Variants in FRMPD4 observed in about 807,000 individuals in gnomAD.
FRMPD4 encodes FERM and PDZ domain containing 4, also known as FERM and PDZ domain-containing protein 4.
A neutral mutation model predicts 94.1 loss-of-function variants in FRMPD4; 22 were observed. The ratio of observed to expected loss-of-function variants is 0.23; its 90% CI spans 0.17 to 0.33. The LOEUF is 0.33. FRMPD4 is among the 10% of genes least tolerant of loss of function. The probability of loss-of-function intolerance (pLI) is 1.00; values close to 1 mark genes in which losing one functional copy is unlikely to be tolerated. For missense variants in FRMPD4, 1,111 were observed against 1,339.9 expected, an observed-to-expected ratio of 0.83 and a Z score of 2.67; for synonymous variants, 631 against 548.6, an observed-to-expected ratio of 1.15 and a Z score of -2.10.
At chrX:11,888,105 A>G (rs1264871517) in intron 3 of FRMPD4, among the ~76,000 whole-genome samples, 1 of 112,161 alleles carries the variant, frequency 8.9e-6, no homozygotes, top group Non-Finnish European at 1.9e-5. Flanking sequence ...TTGGACTATC[A>G]TTGGAAAATT....
Position 12,721,808 on chromosome X carries a change from G to A in FRMPD4, c.5239G>A (p.Ala1747Thr), listed in dbSNP as rs2042246276. The change falls in exon 17 of 17, where the codon GCT (alanine) becomes ACT (threonine). Residue 1747 changes from alanine to threonine, a missense_variant. Transcript: ENST00000675598. ...GGCGCGACACTCAACCACCATGGCC[G>A]CTCTCGTAAGCACACTGACACGTTC... ...LSARHSTTMA[A>T]LVSTLTRSLK... 4.0e-6 allele frequency: 3 copies of A among 749,934 alleles called. No homozygotes were observed. The highest frequency in any genetic ancestry group is 4.7e-6 in the Non-Finnish European group (3 of 635,228). 61.8% of individuals were successfully genotyped at this position (749,934 alleles called of 1,213,427 possible).
chrX:12,295,463 A>C (rs1364580161), intron 1 of FRMPD4, among the ~76,000 whole-genome samples: 1 of 112,471 alleles, frequency 8.9e-6, no homozygotes, highest in African/African-American at 3.2e-5. Flanking sequence ...ACTTCATAGA[A>C]TTTTTGTGAA....
intron 1 of FRMPD4, among the ~76,000 whole-genome samples, chrX:12,429,111 T>G (rs2056984588): frequency 1.8e-5 from 2 of 111,613 alleles, no homozygotes; most frequent in African/African-American, 6.5e-5. Flanking sequence ...AGGGAGCTGA[T>G]AACAAGCCTG....
intron 1 of FRMPD4, among the ~76,000 whole-genome samples, chrX:12,403,359 T>C (rs1051815446): frequency 1.9e-4 from 20 of 104,979 alleles, no homozygotes; most frequent in African/African-American, 7.7e-4. Flanking sequence ...CCCCTCTTCC[T>C]AGAACACTTT....
At chrX:12,656,753 T>C (rs1346374294) in intron 4 of FRMPD4, among the ~76,000 whole-genome samples, 3 of 111,962 alleles carry the variant, frequency 2.7e-5, no homozygotes, top group Non-Finnish European at 5.6e-5. Context: ...AATGTTTTGA[T>C]TTCTTATTTG....
chrX:12,322,108 A>G (rs1315566589), intron 1 of FRMPD4, among the ~76,000 whole-genome samples: 1 of 111,703 alleles, frequency 9.0e-6, no homozygotes, highest in Non-Finnish European at 1.9e-5. Context: ...GAGAGATCTC[A>G]TTATTAACTT....
At chrX:12,595,057 G>T (rs1027857601) in intron 2 of FRMPD4, among the ~76,000 whole-genome samples, 1 of 112,094 alleles carries the variant, frequency 8.9e-6, no homozygotes, top group African/African-American at 3.2e-5. Context: ...GTAAATGTTA[G>T]CAGCAGCTGC....
chrX:12,199,340 A>G (rs1249952958), intron 1 of FRMPD4, among the ~76,000 whole-genome samples: 1 of 108,317 alleles, frequency 9.2e-6, no homozygotes, highest in Admixed American at 1.0e-4. Context: ...AGCAGTGAGC[A>G]TTGAGCCTCT....
At chrX:12,168,857 C>A (rs1039792210) in intron 1 of FRMPD4, among the ~76,000 whole-genome samples, 1 of 111,338 alleles carries the variant, frequency 9.0e-6, no homozygotes, top group African/African-American at 3.3e-5. Context: ...CATTTCCTGA[C>A]CTCGTGATCT....
At chrX:12,385,387 G>A (rs1242577333) in intron 1 of FRMPD4, among the ~76,000 whole-genome samples, 1 of 112,245 alleles carries the variant, frequency 8.9e-6, no homozygotes, top group Non-Finnish European at 1.9e-5. Context: ...TCTATGCAAC[G>A]GAACCTTAGA....
chrX:11,986,702 CAAAT>C (rs1486116267), intron 3 of FRMPD4, among the ~76,000 whole-genome samples: 1 of 110,570 alleles, frequency 9.0e-6, no homozygotes, highest in Non-Finnish European at 1.9e-5. Context: ...AGAGAAGACC[CAAAT>C]AAATAAATCA....
intron 1 of FRMPD4, among the ~76,000 whole-genome samples, chrX:12,281,449 A>G (rs1210589948): frequency 1.8e-5 from 2 of 108,479 alleles, no homozygotes. Context: ...ATCTCTGTTC[A>G]CTGCAACCTC....
intron 1 of FRMPD4, among the ~76,000 whole-genome samples, chrX:11,849,368 C>A (rs757677637): frequency 9.0e-6 from 1 of 111,462 alleles, no homozygotes; most frequent in Non-Finnish European, 1.9e-5. Flanking sequence ...CAGATTTAAT[C>A]CAAGCCCTAT....
intron 4 of FRMPD4, among the ~76,000 whole-genome samples, chrX:12,634,205 G>A (rs998600899): frequency 2.7e-5 from 3 of 112,144 alleles, no homozygotes; most frequent in Non-Finnish European, 5.6e-5. Flanking sequence ...AATTATCACC[G>A]TTAAACATCC....
At chrX:12,629,584 A>C (rs1055625632) in intron 4 of FRMPD4, among the ~76,000 whole-genome samples, 1 of 112,614 alleles carries the variant, frequency 8.9e-6, no homozygotes, top group Non-Finnish European at 1.9e-5. Context: ...TAAAGCTCTT[A>C]GCGGAGTAAG....
chrX:12,260,536 G>A (rs1380554224), intron 1 of FRMPD4, among the ~76,000 whole-genome samples: 3 of 111,839 alleles, frequency 2.7e-5, no homozygotes, highest in African/African-American at 9.7e-5. Context: ...TTTCATGCCA[G>A]TTCCCTTTGA....
intron 1 of FRMPD4, among the ~76,000 whole-genome samples, chrX:12,278,134 C>T (rs1360602677): frequency 8.9e-6 from 1 of 112,498 alleles, no homozygotes; most frequent in Non-Finnish European, 1.9e-5. Context: ...TTCTTTGGCT[C>T]ACTAGTCTCA....
chrX:11,934,294 G>C (rs1478511208), intron 3 of FRMPD4, among the ~76,000 whole-genome samples: 1 of 111,980 alleles, frequency 8.9e-6, no homozygotes, highest in Non-Finnish European at 1.9e-5. Context: ...CACATAAGCA[G>C]TTCAGCCAGT....
intron 5 of FRMPD4, among the ~76,000 whole-genome samples, chrX:12,675,424 TAAA>T (rs61184913): frequency 0.19 from 17,404 of 89,712 alleles, 1,269 homozygotes; most frequent in African/African-American, 0.24. Flanking sequence ...TCTTGTGATT[TAAA>T]AAAAAAAAAA....
Sources: allele counts gnomAD v4.1 joint callset (sites outside exome capture counted in the v4.1 genomes callset), GRCh38; gene constraint gnomAD v4.1.1; transcripts MANE v1.5; gene names NCBI Gene and HGNC (gene_info 2026-07-23, HGNC 2026-07-21).